Variants in FOXP2 observed in about 807,000 individuals in gnomAD.
The protein encoded by FOXP2 is forkhead box P2, also known as forkhead box protein P2.
Under a neutral mutation model 115.8 loss-of-function variants are expected in FOXP2, and 12 were observed. That is an observed-to-expected ratio of 0.10 (90% CI 0.07 to 0.17). FOXP2 has a LOEUF of 0.17. FOXP2 is among the 10% of genes least tolerant of loss of function. The probability of loss-of-function intolerance (pLI) is 1.00; values close to 1 mark genes in which losing one functional copy is unlikely to be tolerated. For missense variants in FOXP2, 629 were observed against 843.5 expected (o/e 0.75, Z 3.15); for synonymous variants, 328 against 297.7 (o/e 1.10, Z -1.05).
chr7:114,303,927 G>A (rs890507081), intron 2 of FOXP2, among the ~76,000 whole-genome samples: 6 of 151,950 alleles, frequency 3.9e-5, no homozygotes, highest in African/African-American at 1.2e-4. Flanking sequence ...ATGGCTGCAG[G>A]CTTTATACCT....
intron 2 of FOXP2, among the ~76,000 whole-genome samples, chr7:114,302,309 G>C (rs2129178499): frequency 6.6e-6 from 1 of 152,140 alleles, no homozygotes; most frequent in African/African-American, 2.4e-5. Context: ...ATGAACTTTT[G>C]ATGGTAAAAC....
intron 2 of FOXP2, among the ~76,000 whole-genome samples, chr7:114,325,535 T>G (rs1400504479): frequency 6.6e-6 from 1 of 151,974 alleles, no homozygotes; most frequent in African/African-American, 2.4e-5. Flanking sequence ...AAAATCTAAT[T>G]TTCTCAGTAT....
chr7:114,481,762 C>CTATA (rs1796548805), intron 2 of FOXP2, among the ~76,000 whole-genome samples: 1 of 145,272 alleles, frequency 6.9e-6, no homozygotes, highest in Admixed American at 7.0e-5. Flanking sequence ...CATATGGAAA[C>CTATA]TCTATCTATC....
intron 1 of FOXP2, among the ~76,000 whole-genome samples, chr7:114,156,915 GT>G (rs1189577611): frequency 3.3e-5 from 5 of 152,014 alleles, no homozygotes; most frequent in Non-Finnish European, 7.4e-5. Context: ...AAAACCACGT[GT>G]TTTATTTGAC....
At chr7:114,328,714 C>T (rs1336167249) in intron 2 of FOXP2, among the ~76,000 whole-genome samples, 1 of 152,138 alleles carries the variant, frequency 6.6e-6, no homozygotes, top group Non-Finnish European at 1.5e-5. Context: ...TATTCTATTA[C>T]CTTTATACTG....
intron 2 of FOXP2, among the ~76,000 whole-genome samples, chr7:114,438,502 A>G (rs894003089): frequency 1.2e-4 from 18 of 151,756 alleles, no homozygotes; most frequent in Non-Finnish European, 2.1e-4. Context: ...GGAAATATTT[A>G]TATATTTAAA....
intron 3 of FOXP2, among the ~76,000 whole-genome samples, chr7:114,595,377 A>G (rs1802641049): frequency 6.6e-6 from 1 of 152,164 alleles, no homozygotes; most frequent in Admixed American, 6.6e-5. Flanking sequence ...ACGCAGATCT[A>G]AGGCTCCAAT....
intron 2 of FOXP2, among the ~76,000 whole-genome samples, chr7:114,513,024 G>T (rs1440559463): frequency 6.6e-6 from 1 of 152,150 alleles, no homozygotes; most frequent in Non-Finnish European, 1.5e-5. Context: ...GGAGGCTGCA[G>T]TGAGCTGAGA....
chr7:114,664,256 A>T lies in FOXP2; in HGVS notation c.1840-17A>T. 6.2e-7 allele frequency: 1 copy of T among 1,612,092 alleles called. No individual in the cohort carries two copies. Among genetic ancestry groups the T allele is most frequent in the Non-Finnish European group, 8.5e-7 (1 of 1,179,470 alleles). ...TGCCATTTTGAAAGTTGTTTTACAC[A>T]ATCTTCATTTCACTAGGCTGCCTTG... is the stretch of plus-strand genomic sequence containing the variant. On this transcript the variant is annotated splice_polypyrimidine_tract_variant and intron_variant, in intron 15 of 16. Transcript: ENST00000350908.
intron 1 of FOXP2, among the ~76,000 whole-genome samples, chr7:114,192,715 C>T (rs1793793115): frequency 6.6e-6 from 1 of 152,134 alleles, no homozygotes; most frequent in Non-Finnish European, 1.5e-5. Context: ...TTTATGAGTT[C>T]AGTATTTACT....
intron 1 of FOXP2, among the ~76,000 whole-genome samples, chr7:114,227,646 A>G (rs1338380399): frequency 6.6e-6 from 1 of 151,960 alleles, no homozygotes; most frequent in Admixed American, 6.6e-5. Flanking sequence ...TTTGTATTGT[A>G]TTTATTTTTT....
At chr7:114,581,879 C>T (rs1262067520) in intron 3 of FOXP2, among the ~76,000 whole-genome samples, 3 of 152,030 alleles carry the variant, frequency 2.0e-5, no homozygotes, top group East Asian at 1.9e-4. Context: ...GGATAAGACA[C>T]GAAGAAAGTC....
intron 2 of FOXP2, among the ~76,000 whole-genome samples, chr7:114,494,531 G>A (rs1797222121): frequency 6.6e-6 from 1 of 152,038 alleles, no homozygotes; most frequent in Admixed American, 6.6e-5. Flanking sequence ...CAAGAAAACT[G>A]TGGAATAAAC....
chr7:114,569,793 T>C (rs1168534290), intron 3 of FOXP2, among the ~76,000 whole-genome samples: 1 of 151,952 alleles, frequency 6.6e-6, no homozygotes, highest in East Asian at 1.9e-4. Context: ...GTAAAGCATA[T>C]ACAATCCATT....
intron 1 of FOXP2, among the ~76,000 whole-genome samples, chr7:114,158,027 C>T (rs1792715334): frequency 6.6e-6 from 1 of 151,764 alleles, no homozygotes; most frequent in Non-Finnish European, 1.5e-5. Flanking sequence ...AATATATCAG[C>T]CATTATTTGA....
intron 1 of FOXP2, among the ~76,000 whole-genome samples, chr7:114,259,301 G>A (rs544666699): frequency 1.3e-5 from 2 of 152,180 alleles, no homozygotes; most frequent in Non-Finnish European, 2.9e-5. Flanking sequence ...TTCTAAGTAT[G>A]TTAACGTTGT....
At position 114,691,649 on chromosome 7, in the gene FOXP2, A is replaced by G. The variant is rs116797563; in HGVS notation, c.*1723A>G. 93 of 453,988 alleles carry G rather than the reference A, an allele frequency of 2.0e-4. No homozygotes were observed. The highest frequency in any genetic ancestry group is 1.8e-3 in the African/African-American group (88 of 50,096). 28.1% of individuals were successfully genotyped at this position (453,988 alleles called of 1,614,324 possible). Reference sequence around the variant, plus strand: ...TTCATGTGCTGTGCCAAGTCTTGATAATACTTTTTCCCCCAACCAAGGGAC... The same window carrying G: ...TTCATGTGCTGTGCCAAGTCTTGATGATACTTTTTCCCCCAACCAAGGGAC... On this transcript the variant is annotated 3_prime_UTR_variant, in exon 17 of 17. Transcript: ENST00000350908.
chr7:114,445,292 G>T (rs528574257), intron 2 of FOXP2, among the ~76,000 whole-genome samples: 74 of 152,232 alleles, frequency 4.9e-4, no homozygotes, highest in African/African-American at 1.7e-3. Context: ...TTAAGAAAAT[G>T]AGTTTGTGCC....
At chr7:114,406,920 AAGTTGG>A (rs1350469831) in intron 2 of FOXP2, among the ~76,000 whole-genome samples, 1 of 152,008 alleles carries the variant, frequency 6.6e-6, no homozygotes, top group Non-Finnish European at 1.5e-5. Flanking sequence ...ATTAGAAGTA[AAGTTGG>A]AAGCGTTTAA....
Sources: allele counts gnomAD v4.1 joint callset (sites outside exome capture counted in the v4.1 genomes callset), GRCh38; gene constraint gnomAD v4.1.1; transcripts MANE v1.5; gene names NCBI Gene and HGNC (gene_info 2026-07-23, HGNC 2026-07-21).